The following SERGEF variants were observed in gnomAD, a reference collection of about 807,000 sequenced individuals.
The protein encoded by SERGEF is secretion regulating guanine nucleotide exchange factor.
A neutral mutation model predicts 50.0 loss-of-function variants in SERGEF; 51 were observed. That is an observed-to-expected ratio of 1.02 (90% confidence interval 0.81 to 1.29). The LOEUF is 1.29. Ranked by LOEUF, SERGEF falls within the 50% of genes most tolerant of loss-of-function variation. SERGEF has a pLI of 0.00. For synonymous variants in SERGEF, 205 were observed against 212.4 expected (o/e 0.97, Z 0.30); for missense variants, 521 against 557.0 (o/e 0.94, Z 0.65).
intron 9 of SERGEF, among the ~76,000 whole-genome samples, chr11:17,937,918 AC>A (rs1267480484): frequency 6.6e-6 from 1 of 152,092 alleles, no homozygotes; most frequent in Non-Finnish European, 1.5e-5. Context: ...CCTGCCTAGT[AC>A]CCTGATGCTC....
chr11:17,996,401 T>C lies in SERGEF; in HGVS notation c.509-492A>G, dbSNP rs1180951044. On this transcript the variant is annotated intron_variant, in intron 5 of 10. Coordinates refer to ENST00000265965, the MANE Select transcript of SERGEF (RefSeq NM_012139.4). ...GACTCAGCTTTCCTAACACCTAATG[T>C]AGTGCCCTTTCCACGACACCAAGAT... Among the ~76,000 whole-genome samples, 6 of 152,208 alleles carry C rather than the reference T, an allele frequency of 3.9e-5. No individual in the cohort carries two copies. The East Asian group carries it at 5.8e-4, about 15-fold the overall frequency.
At chr11:17,987,752 A>C (rs1393915962) in intron 8 of SERGEF, among the ~76,000 whole-genome samples, 1 of 152,210 alleles carries the variant, frequency 6.6e-6, no homozygotes, top group African/African-American at 2.4e-5. Flanking sequence ...AAAAGCCAGA[A>C]ACTTCTGAAA....
intron 3 of SERGEF, 94 bp from the exon 4 acceptor site, chr11:18,004,629 G>C: frequency 1.2e-6 from 1 of 828,966 alleles, no homozygotes; most frequent in South Asian, 1.5e-5. Flanking sequence ...CAAAGGGGAT[G>C]AGGGGAAGTG....
At chr11:17,914,451 C>T (rs1206403006) in intron 9 of SERGEF, among the ~76,000 whole-genome samples, 1 of 151,832 alleles carries the variant, frequency 6.6e-6, no homozygotes, top group Non-Finnish European at 1.5e-5. Context: ...TGGGGTCTTG[C>T]TCTGAACCCA....
chr11:17,906,791 C>A (rs912758456), intron 9 of SERGEF, among the ~76,000 whole-genome samples: 1 of 140,618 alleles, frequency 7.1e-6, no homozygotes, highest in East Asian at 2.1e-4. Flanking sequence ...ATTAAACTGA[C>A]GTAATTTCCA....
chr11:17,963,447 G>A (rs1038061677), intron 8 of SERGEF, among the ~76,000 whole-genome samples: 3 of 149,386 alleles, frequency 2.0e-5, no homozygotes, highest in African/African-American at 7.4e-5. Flanking sequence ...GAGTGCAGTG[G>A]CATGATCTTG....
chr11:17,908,615 T>C (rs1851896044), intron 9 of SERGEF, among the ~76,000 whole-genome samples: 1 of 152,172 alleles, frequency 6.6e-6, no homozygotes, highest in Admixed American at 6.5e-5. Context: ...TATTTTAACA[T>C]CTTGGAACTC....
intron 9 of SERGEF, among the ~76,000 whole-genome samples, chr11:17,936,441 A>G (rs1399503636): frequency 6.6e-6 from 1 of 152,236 alleles, no homozygotes; most frequent in Non-Finnish European, 1.5e-5. Flanking sequence ...CAGCATTACG[A>G]TTTGAATCCA....
chr11:17,883,428 T>C lies in SERGEF; in HGVS notation c.1012-5184A>G, dbSNP rs531292166. Among the ~76,000 whole-genome samples the C allele has an allele frequency of 4.6e-5, 7 of 152,376 alleles. No homozygotes were observed. In the South Asian group the frequency reaches 1.0e-3, roughly 23 times the overall value. On this transcript the variant is annotated intron_variant, in intron 9 of 10. Transcript: ENST00000265965. The stretch of plus-strand genomic sequence containing the variant: ...TGTAAAAACAGCTGACTGGCTCTTA[T>C]AGAATACTTATAGGCCAGGCACTTG...
At chr11:17,945,024 A>C (rs1306729459) in intron 9 of SERGEF, among the ~76,000 whole-genome samples, 3 of 152,234 alleles carry the variant, frequency 2.0e-5, no homozygotes, top group African/African-American at 7.2e-5. Context: ...TGGAAATCAG[A>C]AGATATAAGT....
intron 9 of SERGEF, among the ~76,000 whole-genome samples, chr11:17,933,777 G>C (rs1852398516): frequency 6.6e-6 from 1 of 151,952 alleles, no homozygotes; most frequent in Non-Finnish European, 1.5e-5. Context: ...AGGAAAACTG[G>C]AAAATAGTTC....
intron 9 of SERGEF, among the ~76,000 whole-genome samples, chr11:17,886,577 C>T (rs1449170004): frequency 6.6e-6 from 1 of 152,136 alleles, no homozygotes; most frequent in Non-Finnish European, 1.5e-5. Flanking sequence ...GATCATACCA[C>T]TGTACTCCAG....
chr11:17,851,575 A>G (rs1447407430), intron 10 of SERGEF, among the ~76,000 whole-genome samples: 1 of 152,164 alleles, frequency 6.6e-6, no homozygotes, highest in African/African-American at 2.4e-5. Context: ...GACCTGGTAG[A>G]AAAGTATTTA....
chr11:17,958,162 G>A (rs1852914626), intron 9 of SERGEF, among the ~76,000 whole-genome samples: 1 of 152,334 alleles, frequency 6.6e-6, no homozygotes, highest in South Asian at 2.1e-4. Flanking sequence ...GGGCTGGGAT[G>A]TTAAAGCAGA....
chr11:17,970,338 T>C (rs1032714003), intron 8 of SERGEF, among the ~76,000 whole-genome samples: 3 of 152,208 alleles, frequency 2.0e-5, no homozygotes, highest in Non-Finnish European at 4.4e-5. Context: ...TCATGAACCA[T>C]GCCCATGTAA....
chr11:17,956,336 T>A (rs553793201), intron 9 of SERGEF, among the ~76,000 whole-genome samples: 1 of 152,218 alleles, frequency 6.6e-6, no homozygotes, highest in Admixed American at 6.5e-5. Context: ...CTATAGAGTA[T>A]GTGACCTTCT....
intron 9 of SERGEF, among the ~76,000 whole-genome samples, chr11:17,878,595 G>A (rs954914855): frequency 6.6e-6 from 1 of 152,134 alleles, no homozygotes; most frequent in African/African-American, 2.4e-5. Flanking sequence ...AGGCAATAAA[G>A]ATAACAGTTT....
intron 3 of SERGEF, 21 bp downstream of exon 3, chr11:18,006,570 T>C: frequency 6.2e-7 from 1 of 1,603,936 alleles, no homozygotes; most frequent in South Asian, 1.1e-5. Context: ...GTGACAAAAA[T>C]CTACCTAGGA....
chr11:17,906,224 T>C (rs1362093716), intron 9 of SERGEF, among the ~76,000 whole-genome samples: 1 of 152,130 alleles, frequency 6.6e-6, no homozygotes, highest in Non-Finnish European at 1.5e-5. Flanking sequence ...ACAGGCAAAC[T>C]GAAACATTAC....
Sources: allele counts gnomAD v4.1 joint callset (sites outside exome capture counted in the v4.1 genomes callset), GRCh38; gene constraint gnomAD v4.1.1; transcripts MANE v1.5; gene names NCBI Gene and HGNC (gene_info 2026-07-23, HGNC 2026-07-21).